NRG3: variants seen among roughly 807,000 people sequenced by gnomAD.
The protein encoded by NRG3 is pro-neuregulin-3, membrane-bound isoform.
Under a neutral mutation model 66.9 loss-of-function variants are expected in NRG3, and 31 were observed. The ratio of observed to expected loss-of-function variants is 0.46; its 90% CI spans 0.35 to 0.63. The LOEUF (loss-of-function observed/expected upper bound fraction) is 0.63. NRG3 is among the 20% of genes least tolerant of loss of function. The pLI is 0.00. For missense variants in NRG3, 910 were observed against 878.9 expected (o/e 1.04, Z -0.45); for synonymous variants, 393 against 359.4 (o/e 1.09, Z -1.06).
intron 4 of NRG3, among the ~76,000 whole-genome samples, chr10:82,950,092 T>C (rs1849382471): frequency 6.6e-6 from 1 of 152,288 alleles, no homozygotes; most frequent in Middle Eastern, 3.4e-3. Flanking sequence ...TCACTCCAGA[T>C]CTACTAAATC....
chr10:81,973,631 A>C (rs1429129491), intron 1 of NRG3, among the ~76,000 whole-genome samples: 1 of 151,954 alleles, frequency 6.6e-6, no homozygotes, highest in South Asian at 2.1e-4. Flanking sequence ...ATCTCATTGC[A>C]GTTTTGATTT....
At chr10:82,197,933 C>G (rs181084721) in intron 1 of NRG3, among the ~76,000 whole-genome samples, 2 of 152,006 alleles carry the variant, frequency 1.3e-5, no homozygotes, top group Admixed American at 6.5e-5. Flanking sequence ...AAATGGCTGT[C>G]GACATCTTAT....
chr10:82,537,153 T>C (rs879667835), intron 2 of NRG3, among the ~76,000 whole-genome samples: 3 of 151,976 alleles, frequency 2.0e-5, no homozygotes, highest in Non-Finnish European at 4.4e-5. Context: ...AATCTAGACG[T>C]GGTCTGTAAG....
At chr10:82,151,230 G>C (rs1287369954) in intron 1 of NRG3, among the ~76,000 whole-genome samples, 1 of 152,210 alleles carries the variant, frequency 6.6e-6, no homozygotes, top group Non-Finnish European at 1.5e-5. Flanking sequence ...ACCAGTGTCA[G>C]GGCCAGGCAC....
chr10:82,012,476 C>T (rs2061620812), intron 1 of NRG3, among the ~76,000 whole-genome samples: 1 of 152,186 alleles, frequency 6.6e-6, no homozygotes, highest in African/African-American at 2.4e-5. Flanking sequence ...ATTATTTATG[C>T]AGATTTCTCA....
At chr10:82,887,701 G>T (rs1323047054) in intron 4 of NRG3, among the ~76,000 whole-genome samples, 1 of 152,204 alleles carries the variant, frequency 6.6e-6, no homozygotes, top group East Asian at 1.9e-4. Context: ...TAGGCATGAT[G>T]CCAGGCACTG....
chr10:82,229,803 G>A (rs951982299), intron 1 of NRG3, among the ~76,000 whole-genome samples: 4 of 152,110 alleles, frequency 2.6e-5, no homozygotes, highest in African/African-American at 9.7e-5. Context: ...GAGGACACAG[G>A]CAAACCATAT....
chr10:82,780,561 C>T (rs1407149751), intron 3 of NRG3, among the ~76,000 whole-genome samples: 1 of 136,972 alleles, frequency 7.3e-6, no homozygotes, highest in African/African-American at 2.8e-5. Flanking sequence ...ATATCTTGTA[C>T]ATTTTGGCTG....
intron 2 of NRG3, among the ~76,000 whole-genome samples, chr10:82,649,885 T>G (rs1336344259): frequency 2.0e-5 from 3 of 152,162 alleles, no homozygotes; most frequent in Admixed American, 2.0e-4. Flanking sequence ...TTTTTGTAGT[T>G]CTCAGTGGAA....
At chr10:82,409,048 G>C (rs970001823) in intron 2 of NRG3, among the ~76,000 whole-genome samples, 7 of 152,072 alleles carry the variant, frequency 4.6e-5, no homozygotes, top group African/African-American at 1.2e-4. Flanking sequence ...ATGTAATAGG[G>C]GATCTGTATT....
chr10:82,633,025 A>G (rs2049948680), intron 2 of NRG3, among the ~76,000 whole-genome samples: 1 of 152,214 alleles, frequency 6.6e-6, no homozygotes, highest in African/African-American at 2.4e-5. Flanking sequence ...TCACTCTGCC[A>G]TTGACAGGTT....
intron 1 of NRG3, among the ~76,000 whole-genome samples, chr10:82,209,158 G>C (rs1253649655): frequency 6.6e-6 from 1 of 152,128 alleles, no homozygotes; most frequent in African/African-American, 2.4e-5. Flanking sequence ...GAAATTCTCA[G>C]AATATGAATT....
At chr10:82,060,375 G>GTGCC (rs2133225237) in intron 1 of NRG3, among the ~76,000 whole-genome samples, 2 of 152,256 alleles carry the variant, frequency 1.3e-5, no homozygotes, top group East Asian at 3.9e-4. Context: ...TTCTTACTGT[G>GTGCC]TGCCATAAAG....
rs79243454 is a variant in NRG3, at chr10:82,289,069, T to G, written c.824-69670T>G. On this transcript the variant is annotated intron_variant, in intron 1 of 8. Coordinates refer to ENST00000372141, the MANE Select transcript of NRG3 (RefSeq NM_001010848.4). ...GCATCTTTCCAGGAGCACTGTTCTC[T>G]TCTAAGTCCATGCTGCTCCCTGTAC... is the stretch of plus-strand genomic sequence containing the variant. Among the ~76,000 whole-genome samples, 719 of 152,360 alleles carry G rather than the reference T, an allele frequency of 4.7e-3. 6 individuals carry two copies. The highest frequency in any genetic ancestry group is 0.017 in the African/African-American group (689 of 41,580).
At chr10:81,898,606 A>G (rs1231057178) in intron 1 of NRG3, among the ~76,000 whole-genome samples, 1 of 152,192 alleles carries the variant, frequency 6.6e-6, no homozygotes, top group Non-Finnish European at 1.5e-5. Context: ...GTATGACTTG[A>G]TGTAAAATAT....
intron 3 of NRG3, among the ~76,000 whole-genome samples, chr10:82,809,617 A>G (rs1448572646): frequency 5.9e-5 from 9 of 152,184 alleles, no homozygotes; most frequent in South Asian, 2.1e-4. Flanking sequence ...AAGAAATTCA[A>G]CCTTATGTTT....
chr10:82,796,145 T>C (rs1426524394), intron 3 of NRG3, among the ~76,000 whole-genome samples: 1 of 152,066 alleles, frequency 6.6e-6, no homozygotes, highest in East Asian at 1.9e-4. Flanking sequence ...GTGTTGTGGG[T>C]GTACTTTTAG....
intron 1 of NRG3, among the ~76,000 whole-genome samples, chr10:82,173,510 A>C (rs975810672): frequency 6.6e-6 from 1 of 152,150 alleles, no homozygotes; most frequent in African/African-American, 2.4e-5. Context: ...ACAATCTTAT[A>C]GCAAAGACAT....
intron 2 of NRG3, among the ~76,000 whole-genome samples, chr10:82,490,766 C>G (rs944469773): frequency 6.6e-6 from 1 of 152,136 alleles, no homozygotes; most frequent in Non-Finnish European, 1.5e-5. Context: ...CCAGCTGCCT[C>G]TCTCATCTCA....
Sources: gnomAD v4.1 joint callset for allele counts (sites outside exome capture counted in the v4.1 genomes callset) on GRCh38, gnomAD v4.1.1 for gene constraint, MANE v1.5 for transcripts, NCBI Gene and HGNC (gene_info 2026-07-23, HGNC 2026-07-21) for gene names.